The following ALLC variants were observed in gnomAD, a reference collection of about 807,000 sequenced individuals.
ALLC encodes the protein probable inactive allantoicase.
Under a neutral mutation model 45.0 loss-of-function variants are expected in ALLC, and 40 were observed. That is an observed-to-expected ratio of 0.89 (90% CI 0.69 to 1.16). The LOEUF (loss-of-function observed/expected upper bound fraction) is 1.16. ALLC is among the 50% of genes most tolerant of loss of function. The probability of loss-of-function intolerance (pLI) is 0.00; values close to 1 mark genes in which losing one functional copy is unlikely to be tolerated. For synonymous variants in ALLC, 176 were observed against 178.1 expected (o/e 0.99, Z 0.09); for missense variants, 488 against 493.1 (o/e 0.99, Z 0.10).
At chr2:3,649,648 G>C in the ALLC span, among the ~76,000 whole-genome samples, 1 of 152,370 alleles carries the variant, frequency 6.6e-6, no homozygotes, top group East Asian at 1.9e-4. Flanking sequence ...TGGTTCAGGG[G>C]TGCGGGTGGC....
chr2:3,695,178 T>C (rs1667628967), intron 7 of ALLC: 2 of 153,752 alleles, frequency 1.3e-5, no homozygotes, highest in Non-Finnish European at 2.9e-5. Context: ...GTTGTTCATT[T>C]AATGAAAAAA....
chr2:3,655,893 G>A (rs143020474), upstream of ALLC, among the ~76,000 whole-genome samples: 404 of 151,930 alleles, frequency 2.7e-3, 4 homozygotes, highest in African/African-American at 9.5e-3. Flanking sequence ...TTCTGCTGGA[G>A]CCCCTAAGCG....
intron 1 of ALLC, among the ~76,000 whole-genome samples, chr2:3,658,757 A>G (rs1237940675): frequency 2.6e-5 from 4 of 151,694 alleles, no homozygotes; most frequent in African/African-American, 9.7e-5. Context: ...GGTCCCAGCT[A>G]CTTGGGAGGC....
chr2:3,671,274 A>G (rs1666861385), intron 2 of ALLC, 84 bp downstream of exon 2: 1 of 1,451,044 alleles, frequency 6.9e-7, no homozygotes, highest in South Asian at 1.2e-5. Flanking sequence ...ACCTCATGCA[A>G]GAATCAACAA....
intron 3 of ALLC, among the ~76,000 whole-genome samples, chr2:3,675,381 C>T (rs1482386573): frequency 2.1e-4 from 21 of 99,738 alleles, no homozygotes; most frequent in Non-Finnish European, 3.5e-4. Context: ...CAGAGTAAGA[C>T]CCTGTCAAAA....
chr2:3,689,152 T>G (rs1667407652), intron 7 of ALLC, among the ~76,000 whole-genome samples: 1 of 150,992 alleles, frequency 6.6e-6, no homozygotes, highest in Non-Finnish European at 1.5e-5. Context: ...TCACTTTTGT[T>G]TCTTTTTAAA....
At chr2:3,676,323 G>T (rs559162930) in intron 3 of ALLC, among the ~76,000 whole-genome samples, 1 of 152,336 alleles carries the variant, frequency 6.6e-6, no homozygotes, top group African/African-American at 2.4e-5. Flanking sequence ...TGATCAGGCT[G>T]TCAGGCTGGG....
chr2:3,689,601 T>A (rs1414926860), intron 7 of ALLC, among the ~76,000 whole-genome samples: 1 of 151,204 alleles, frequency 6.6e-6, no homozygotes, highest in Non-Finnish European at 1.5e-5. Flanking sequence ...TTTGAATTTG[T>A]TTAGACTTGC....
chr2:3,662,468 G>A (rs569012740), intron 1 of ALLC, among the ~76,000 whole-genome samples: 2 of 152,358 alleles, frequency 1.3e-5, no homozygotes, highest in Non-Finnish European at 2.9e-5. Flanking sequence ...TTTGTAATTA[G>A]CACATTCCTA....
the ALLC span, among the ~76,000 whole-genome samples, chr2:3,651,442 T>TGTGTGTGTG: frequency 0.017 from 443 of 25,588 alleles, 164 homozygotes; most frequent in South Asian, 0.051. Flanking sequence ...TGTGTGTGTG[T>TGTGTGTGTG]TAGGAAGGGA....
At chr2:3,697,521 T>C in intron 10 of ALLC, 65 bp downstream of exon 10, 3 of 1,357,284 alleles carry the variant, frequency 2.2e-6, no homozygotes, top group Non-Finnish European at 3.2e-6. Context: ...CTGAGTTCTA[T>C]GGAAGTGGGA....
At chr2:3,700,403 G>A (rs762621200) in intron 10 of ALLC, among the ~76,000 whole-genome samples, 26 of 152,136 alleles carry the variant, frequency 1.7e-4, no homozygotes, top group Non-Finnish European at 3.2e-4. Flanking sequence ...ATTTTTTATG[G>A]TATCTTTAAT....
intron 1 of ALLC, among the ~76,000 whole-genome samples, chr2:3,661,806 C>T (rs1409774909): frequency 6.6e-6 from 1 of 152,224 alleles, no homozygotes; most frequent in Non-Finnish European, 1.5e-5. Flanking sequence ...TTACAGAATG[C>T]AGATTTCTGA....
At chr2:3,669,573 G>A (rs1432734878) in intron 1 of ALLC, among the ~76,000 whole-genome samples, 2 of 150,358 alleles carry the variant, frequency 1.3e-5, no homozygotes, top group Non-Finnish European at 3.0e-5. Context: ...GCTTGAACCT[G>A]GGAGGTGGAG....
intron 10 of ALLC, 85 bp downstream of exon 10, chr2:3,697,541 CTGGACTTTCGGTG>C: frequency 9.0e-7 from 1 of 1,114,824 alleles, no homozygotes; most frequent in Non-Finnish European, 1.3e-6. Context: ...ACTGAGGACA[CTGGACTTTCGGTG>C]TGGATTCCCC....
intron 7 of ALLC, among the ~76,000 whole-genome samples, chr2:3,692,339 G>T (rs1264368047): frequency 6.6e-6 from 1 of 152,150 alleles, no homozygotes; most frequent in Non-Finnish European, 1.5e-5. Flanking sequence ...CACATAAAAT[G>T]CCCTAACACT....
chr2:3,692,180 C>T (rs771687445), intron 7 of ALLC, among the ~76,000 whole-genome samples: 83 of 152,258 alleles, frequency 5.5e-4, no homozygotes, highest in South Asian at 1.5e-3. Context: ...TACATCTATG[C>T]CTGTGCATTG....
At chr2:3,699,042 T>C (rs1354987212) in intron 10 of ALLC, among the ~76,000 whole-genome samples, 1 of 152,222 alleles carries the variant, frequency 6.6e-6, no homozygotes. Context: ...TTAACTATTA[T>C]TTTAGGTTCA....
intron 7 of ALLC, among the ~76,000 whole-genome samples, chr2:3,684,480 T>C (rs1294477712): frequency 6.6e-6 from 1 of 152,126 alleles, no homozygotes; most frequent in Non-Finnish European, 1.5e-5. Context: ...ATGGATAAGT[T>C]CTTTAGTGGT....
Sources: gnomAD v4.1 joint callset for allele counts (sites outside exome capture counted in the v4.1 genomes callset) on GRCh38, gnomAD v4.1.1 for gene constraint, MANE v1.5 for transcripts, NCBI Gene and HGNC (gene_info 2026-07-23, HGNC 2026-07-21) for gene names.